Variants in NPL observed in about 807,000 individuals in gnomAD.
NPL encodes the protein N-acetylneuraminate pyruvate lyase.
In NPL, 32 loss-of-function variants were observed where a neutral mutation model predicts 41.1. The ratio of observed to expected loss-of-function variants is 0.78; its 90% CI spans 0.59 to 1.05. The LOEUF (loss-of-function observed/expected upper bound fraction) is 1.05, where lower values mean the gene tolerates loss of function less well. NPL is among the 50% of genes least tolerant of loss of function. The pLI is 0.00. For synonymous variants in NPL, 128 were observed against 134.9 expected (o/e 0.95, Z 0.35); for missense variants, 321 against 378.4 (o/e 0.85, Z 1.26).
At position 182,826,022 on chromosome 1, in the gene NPL, C is replaced by T. The variant is rs1432488346; in HGVS notation, c.778+202C>T. The T allele has an allele frequency of 2.2e-5, 14 of 625,446 alleles. No individual in the cohort carries two copies. The Admixed American group carries it at 3.6e-4, about 16-fold the overall frequency. The allele number at this position is 625,446 out of a possible 1,614,324, so 38.7% of individuals were successfully genotyped here. On this transcript the variant is annotated intron_variant, in intron 12 of 12. Coordinates refer to ENST00000367553, the MANE Select transcript of NPL (RefSeq NM_030769.3). ...TTGGAAAATCTTTGGCAACCTTCTC[C>T]ATTTTAGCACATGCCTACCCCATTT... is the stretch of plus-strand genomic sequence containing the variant.
intron 3 of NPL, among the ~76,000 whole-genome samples, chr1:182,801,038 A>G (rs1666833590): frequency 6.6e-6 from 1 of 152,086 alleles, no homozygotes; most frequent in Admixed American, 6.5e-5. Flanking sequence ...CAGCCCTGAC[A>G]TTGTTAGATT....
In NPL at chr1:182,828,989, ATGAACT is replaced by A. The variant is rs1304621198; in HGVS notation, c.*86_*91del. Reference sequence around the variant, plus strand: ...GCATTTTTTTCTCAGGGAATTTTAGATGAACTTGAATAAACTCTCCTAGCAAATGAA... The same window carrying A: ...GCATTTTTTTCTCAGGGAATTTTAGATGAATAAACTCTCCTAGCAAATGAA... On this transcript the variant is annotated 3_prime_UTR_variant, in exon 13 of 13. Coordinates refer to ENST00000367553, the MANE Select transcript of NPL (RefSeq NM_030769.3). This position sits in a 1 kb window ranked among gnomAD's most constrained non-coding sequence, Gnocchi z 4.0. 6.2e-7 allele frequency: 1 copy of A among 1,600,544 alleles called. No individual in the cohort carries two copies. The highest frequency in any genetic ancestry group is 1.3e-5 in the African/African-American group (1 of 74,634).
intron 12 of NPL, chr1:182,826,114 A>G (rs1667624518): frequency 4.1e-6 from 2 of 490,164 alleles, no homozygotes; most frequent in Non-Finnish European, 7.4e-6. Flanking sequence ...TTAAAATTCT[A>G]CTACTGCATT....
rs1667691684 is a variant in NPL, at chr1:182,828,660, T to C, written c.779-64T>C. The C allele has an allele frequency of 1.9e-6, 3 of 1,609,730 alleles. No individual in the cohort carries two copies. Among genetic ancestry groups the C allele is most frequent in the South Asian group, 1.1e-5 (1 of 90,534 alleles). ...TGCTGTTAGCATATGATCTCCTTCT[T>C]TGGGATTTTTGTGGAGAGATAGACG... On this transcript the variant is annotated intron_variant, in intron 12 of 12. Transcript: ENST00000367553. The surrounding 1 kb of genome is among the most constrained non-coding windows in gnomAD (Gnocchi z 4.0).
chr1:182,820,562 G>A (rs1262483098), intron 10 of NPL, among the ~76,000 whole-genome samples: 3 of 152,148 alleles, frequency 2.0e-5, no homozygotes, highest in African/African-American at 7.2e-5. Context: ...AGTTTAATTG[G>A]CTCACAGTTC....
chr1:182,822,093 G>C, intron 10 of NPL, 22 bp from the exon 11 acceptor site: 1 of 1,493,612 alleles, frequency 6.7e-7, no homozygotes, highest in Non-Finnish European at 9.3e-7. Context: ...TGAACCTGCA[G>C]TATTTGTTAT....
At chr1:182,806,057 A>C in intron 4 of NPL, 88 bp from the exon 5 acceptor site, 1 of 1,471,250 alleles carries the variant, frequency 6.8e-7, no homozygotes, top group Non-Finnish European at 9.5e-7. Context: ...TCCTCAGTGC[A>C]GTGGTTTCTG....
chr1:182,825,771 T>G lies in NPL; in HGVS notation c.739-10T>G. 3 of 1,529,476 alleles carry G rather than the reference T, an allele frequency of 2.0e-6. No homozygotes were observed. The highest frequency in any genetic ancestry group is 1.1e-5 in the South Asian group (1 of 89,282). 94.7% of individuals were successfully genotyped at this position (1,529,476 alleles called of 1,614,324 possible). A position where few individuals can be genotyped will look rare whatever the true frequency, so the allele number is the denominator to read the frequency against. On this transcript the variant is annotated splice_polypyrimidine_tract_variant and intron_variant, in intron 11 of 12. Transcript: ENST00000367553. ...ATAATACTAACTATAGATATGTTGT[T>G]CTTTTCTAGTTTTGTATCCAGAGAT...
intron 11 of NPL, among the ~76,000 whole-genome samples, chr1:182,824,358 A>G (rs1157129885): frequency 6.6e-6 from 1 of 152,268 alleles, no homozygotes; most frequent in Non-Finnish European, 1.5e-5. Flanking sequence ...GGGGTAGAAC[A>G]TATATGTTTG....
chr1:182,798,587 A>C (rs1396177352), intron 3 of NPL, among the ~76,000 whole-genome samples: 3 of 152,224 alleles, frequency 2.0e-5, no homozygotes, highest in African/African-American at 7.2e-5. Context: ...GCTCACAGTC[A>C]TTAGACCAGA....
At chr1:182,793,027 C>A (rs1164889742) in intron 2 of NPL, among the ~76,000 whole-genome samples, 3 of 152,188 alleles carry the variant, frequency 2.0e-5, no homozygotes, top group African/African-American at 7.2e-5. Context: ...TATAGCATAA[C>A]CCTTCTTGTT....
Position 182,797,034 on chromosome 1 carries a change from CAAAA to C in NPL, c.68+2609_68+2612del, listed in dbSNP as rs59582125. 1.1e-3 allele frequency among the ~76,000 whole-genome samples: 101 copies of C among 96,030 alleles called. 1 individual carries two copies. The highest frequency in any genetic ancestry group is 3.2e-3 in the African/African-American group (90 of 28,062). 63.0% of individuals were successfully genotyped at this position (96,030 alleles called of 152,430 possible). On this transcript the variant is annotated intron_variant, in intron 3 of 12. Transcript: ENST00000367553. ...TGGGCAACAGAGTGAGAATATGTCT[CAAAA>C]AAAAAAAAAAAAAGCTCTTTCATAT...
intron 3 of NPL, 64 bp downstream of exon 3, chr1:182,794,503 T>C: frequency 6.6e-7 from 1 of 1,508,170 alleles, no homozygotes; most frequent in Non-Finnish European, 9.2e-7. Context: ...GAGAAGTTCT[T>C]TGTAACAACA....
intron 3 of NPL, chr1:182,795,768 C>CA (rs1290006825): frequency 2.6e-5 from 4 of 152,162 alleles, no homozygotes; most frequent in African/African-American, 9.7e-5. Flanking sequence ...CTCAATGCAT[C>CA]AGTCACTTGT....
In NPL at chr1:182,818,856, G is replaced by A; in HGVS notation, c.650G>A (p.Gly217Asp). ...ALVMGATGAV[G>D]STYNYLGKKT... ...GTGATGGGAGCAACTGGAGCAGTGG[G>A]CAGGTAAGCATGACTCATTTTTCCC... The change falls in exon 10 of 13, where the codon GGC becomes GAC. Residue 217 changes from glycine (G) to aspartate (D), a missense_variant. Physicochemically the swap from Gly to Asp is moderately conservative, Grantham distance 94. Transcript: ENST00000367553. The A allele has an allele frequency of 6.2e-7, 1 of 1,614,006 alleles. No homozygotes were observed. Among genetic ancestry groups the A allele is most frequent in the Non-Finnish European group, 8.5e-7 (1 of 1,179,876 alleles).
chr1:182,805,683 C>A (rs773274718), intron 4 of NPL, among the ~76,000 whole-genome samples: 1 of 152,052 alleles, frequency 6.6e-6, no homozygotes, highest in Non-Finnish European at 1.5e-5. Context: ...ATCTAAAAAA[C>A]GAGTTGTCCT....
intron 3 of NPL, chr1:182,795,599 A>G (rs1320686936): frequency 6.6e-6 from 1 of 152,214 alleles, no homozygotes; most frequent in Non-Finnish European, 1.5e-5. Flanking sequence ...TGAGTCCAAG[A>G]CTTCTGGCTT....
At chr1:182,797,793 C>T (rs1187623637) in intron 3 of NPL, among the ~76,000 whole-genome samples, 4 of 151,662 alleles carry the variant, frequency 2.6e-5, no homozygotes, top group East Asian at 1.9e-4. Context: ...CTTTTTGTTA[C>T]TTGTCTATGT....
chr1:182,803,658 A>G (rs1666918604), intron 3 of NPL, 40 bp from the exon 4 acceptor site: 1 of 1,372,788 alleles, frequency 7.3e-7, no homozygotes, highest in Non-Finnish European at 1.0e-6. Flanking sequence ...TAATAATCTG[A>G]AAAAGACTAA....
Sources: allele counts gnomAD v4.1 joint callset (sites outside exome capture counted in the v4.1 genomes callset), GRCh38; gene constraint gnomAD v4.1.1; non-coding constraint Gnocchi (gnomAD v3.1); transcripts MANE v1.5; gene names NCBI Gene and HGNC (gene_info 2026-07-23, HGNC 2026-07-21).